Variants in SH3TC1 observed in about 807,000 individuals in gnomAD.
SH3TC1 encodes the protein SH3 domain and tetratricopeptide repeat-containing protein 1.
In SH3TC1, 135 loss-of-function variants were observed where a neutral mutation model predicts 117.3. The ratio of observed to expected loss-of-function variants is 1.15; its 90% CI spans 1.00 to 1.33. The LOEUF is 1.33. SH3TC1 is among the 40% of genes most tolerant of loss of function. The pLI is 0.00. For synonymous variants in SH3TC1, 898 were observed against 816.9 expected, an observed-to-expected ratio of 1.10 and a Z score of -1.69; for missense variants, 2,092 against 1,794.3, an observed-to-expected ratio of 1.17 and a Z score of -3.00.
At chr4:8,196,428 C>A (rs140133445), upstream of SH3TC1, among the ~76,000 whole-genome samples, 103 of 152,100 alleles carry the variant, frequency 6.8e-4, no homozygotes, top group African/African-American at 2.3e-3. The surrounding 1 kb of genome is among the most constrained non-coding windows in gnomAD (Gnocchi z 4.6). Context: ...ATGTTGGGTG[C>A]TTCTGTGGGC....
rs1315639899 is a variant in SH3TC1, at chr4:8,205,040, G to T, written c.-28-127G>T. On this transcript the variant is annotated intron_variant, in intron 1 of 17. Transcript: ENST00000245105. The surrounding 1 kb of genome is among the most constrained non-coding windows in gnomAD (Gnocchi z 5.4). ...CGGTGCACGGTGCGGTGAGGGGCTC[G>T]CTGGATCTGAAAGGTGCAGGCGCTC... The T allele has an allele frequency of 4.4e-6, 3 of 688,098 alleles. No homozygotes were observed. Among genetic ancestry groups the T allele is most frequent in the South Asian group, 5.4e-5 (2 of 36,874 alleles). The allele number at this position is 688,098 out of a possible 1,614,324, so 42.6% of individuals were successfully genotyped here.
chr4:8,226,350 T>G lies in SH3TC1; in HGVS notation c.1286-630T>G, dbSNP rs543476217. 3.9e-5 allele frequency among the ~76,000 whole-genome samples: 6 copies of G among 152,254 alleles called. No homozygotes were observed. In the South Asian group the frequency reaches 1.2e-3, roughly 32 times the overall value. ...CTTCAGGTTTTCAGACCATCCAAGG[T>G]GAAGGTGGTCACAGGAGCCTGGAAG... On this transcript the variant is annotated intron_variant, in intron 11 of 17. Transcript: ENST00000245105.
chr4:8,198,724 C>T (rs1471190721), upstream of SH3TC1, among the ~76,000 whole-genome samples: 1 of 152,206 alleles, frequency 6.6e-6, no homozygotes, highest in Non-Finnish European at 1.5e-5. Flanking sequence ...GGAGGGGAGC[C>T]CATCTCTTCC....
At chr4:8,200,290 T>G (rs1169213637) in intron 1 of SH3TC1, among the ~76,000 whole-genome samples, 2 of 151,934 alleles carry the variant, frequency 1.3e-5, no homozygotes, top group East Asian at 3.9e-4. Flanking sequence ...TGGGCCCGAG[T>G]CAGGTCTGGG....
chr4:8,228,009 C>T lies in SH3TC1; in HGVS notation c.2315C>T (p.Ala772Val), dbSNP rs764157873. 59 of 1,611,612 alleles carry T rather than the reference C, an allele frequency of 3.7e-5. No homozygotes were observed. Among genetic ancestry groups the T allele is most frequent in the Admixed American group, 2.3e-4 (14 of 59,964 alleles). ...CAAACTTCCCACTACCTCAGGCAAG[C>T]GCTGGCCTCCCTGACCCCGGGCACA... Reference protein sequence around the residue: ...PAQTSHYLRQALASLTPGTGQ... With the variant: ...PAQTSHYLRQVLASLTPGTGQ... Residue 772 changes from alanine to valine, a missense_variant, in exon 12 of 18, where the codon GCG (alanine) becomes GTG (valine). Ala to Val is a moderately conservative substitution (Grantham distance 64). Transcript: ENST00000245105.
At chr4:8,238,809 C>G (rs1578761009) in intron 17 of SH3TC1, among the ~76,000 whole-genome samples, 1 of 152,194 alleles carries the variant, frequency 6.6e-6, no homozygotes, top group African/African-American at 2.4e-5. Context: ...CTCCGCCCAC[C>G]CAGGAGGAAG....
chr4:8,196,716 A>G (rs1290741863), upstream of SH3TC1, among the ~76,000 whole-genome samples: 4 of 152,024 alleles, frequency 2.6e-5, no homozygotes, highest in Non-Finnish European at 2.9e-5. The surrounding 1 kb of genome is among the most constrained non-coding windows in gnomAD (Gnocchi z 4.6). Context: ...TTGAGCCCTG[A>G]TGGGAGAAGG....
upstream of SH3TC1, among the ~76,000 whole-genome samples, chr4:8,195,411 G>A (rs1330869602): frequency 6.6e-6 from 1 of 152,212 alleles, no homozygotes; most frequent in African/African-American, 2.4e-5. Flanking sequence ...GCAGCCTCCA[G>A]TTGGGCGTGC....
At chr4:8,214,099 G>A (rs1206684734) in intron 4 of SH3TC1, among the ~76,000 whole-genome samples, 2 of 150,634 alleles carry the variant, frequency 1.3e-5, no homozygotes, top group African/African-American at 5.0e-5. Context: ...TGCTGCAGGT[G>A]GGGCTGGGGC....
chr4:8,212,792 G>A lies in SH3TC1; in HGVS notation c.339G>A (p.Leu113=). 6.2e-7 allele frequency: 1 copy of A among 1,607,232 alleles called. No homozygotes were observed. The highest frequency in any genetic ancestry group is 2.2e-5 in the East Asian group (1 of 44,676). Reference sequence around the variant, plus strand: ...CCCTCCGGGGCCAGCTCCGCCTGCTGGAGAATGATAGCCGGGAGATGGCCC... The same window carrying A: ...CCCTCCGGGGCCAGCTCCGCCTGCTAGAGAATGATAGCCGGGAGATGGCCC... ...QQTLRGQLRL[L]ENDSREMARV... Residue 113 remains leucine, a synonymous_variant, in exon 4 of 18, where the codon CTG becomes CTA. Coordinates refer to ENST00000245105, the MANE Select transcript of SH3TC1 (RefSeq NM_018986.5).
Position 8,235,445 on chromosome 4 carries a change from G to A in SH3TC1, c.3295G>A (p.Val1099Met), listed in dbSNP as rs759732513. 131 of 1,548,404 alleles carry A rather than the reference G, an allele frequency of 8.5e-5. 1 individual carries two copies. The South Asian group carries it at 1.1e-3, about 13-fold the overall frequency. Residue 1099 changes from valine to methionine, a missense_variant, in exon 15 of 18, where the codon GTG (valine) becomes ATG (methionine). Transcript: ENST00000245105. ...VDLYIQVAQN[V>M]ALYTGDPNLG... ...TGCCTCCTTTCAGGTGGCACAGAAC[G>A]TGGCCCTGTACACAGGCGACCCCAA...
At chr4:8,218,087 G>A (rs765723946) in intron 7 of SH3TC1, among the ~76,000 whole-genome samples, 184 bp from the exon 8 acceptor site, 4 of 152,164 alleles carry the variant, frequency 2.6e-5, no homozygotes, top group Non-Finnish European at 5.9e-5. Flanking sequence ...CACACGCACG[G>A]GGCCTGAAGG....
chr4:8,186,656 C>T lies in SH3TC1; in HGVS notation c.-57+4446C>T, dbSNP rs1472603817. On this transcript the variant is annotated intron_variant, in intron 1 of 16. Transcript: ENST00000508641. The surrounding 1 kb of genome is among the most constrained non-coding windows in gnomAD (Gnocchi z 5.2). ...GTTAAAAAAACACTTTTAAAAAGCC[C>T]CTTGAGGCTGGGTGCGGTGGCTCAC... 6.6e-6 allele frequency among the ~76,000 whole-genome samples: 1 copy of T among 152,058 alleles called. No individual in the cohort carries two copies. Among genetic ancestry groups the T allele is most frequent in the Non-Finnish European group, 1.5e-5 (1 of 68,000 alleles).
intron 16 of SH3TC1, 141 bp from the exon 17 acceptor site, chr4:8,237,333 T>G: frequency 1.5e-6 from 1 of 651,924 alleles, no homozygotes; most frequent in Non-Finnish European, 2.4e-6. Context: ...GATGGGAAAG[T>G]GAGTCTGGGA....
Position 8,227,380 on chromosome 4 carries a change from C to A in SH3TC1, c.1686C>A (p.Leu562=). Residue 562 remains leucine (L), a synonymous_variant, in exon 12 of 18, where the codon CTC becomes CTA. Transcript: ENST00000245105. ...KAGLLMALAR[L]CFLLGRLCSR... is the part of the protein sequence containing the mutation. ...GCCTCCTCATGGCCCTGGCCAGGCT[C>A]TGCTTCCTCCTGGGGCGGCTGTGCA... is the stretch of plus-strand genomic sequence containing the variant. 5.8e-6 allele frequency: 9 copies of A among 1,559,500 alleles called. No homozygotes were observed. Among genetic ancestry groups the A allele is most frequent in the Non-Finnish European group, 6.9e-6 (8 of 1,152,950 alleles).
chr4:8,232,239 G>A (rs1290887196), intron 13 of SH3TC1, 83 bp downstream of exon 13: 1 of 1,398,216 alleles, frequency 7.2e-7, no homozygotes, highest in Non-Finnish European at 9.4e-7. Context: ...AGCTGGCCCA[G>A]GGCCCCAGCA....
intron 9 of SH3TC1, 134 bp from the exon 10 acceptor site, chr4:8,222,706 C>A: frequency 2.7e-6 from 3 of 1,107,498 alleles, no homozygotes; most frequent in Non-Finnish European, 1.3e-6. Context: ...TTTTAAATCT[C>A]TGTCTCTACC....
At chr4:8,230,183 T>G (rs1721057577) in intron 12 of SH3TC1, among the ~76,000 whole-genome samples, 1 of 152,242 alleles carries the variant, frequency 6.6e-6, no homozygotes, top group Non-Finnish European at 1.5e-5. Flanking sequence ...CTAGATGATC[T>G]GATTTGTTGG....
rs551631191 is a variant in SH3TC1, at chr4:8,215,668, G to A, written c.482-443G>A. On this transcript the variant is annotated intron_variant, in intron 5 of 17. Transcript: ENST00000245105. Reference sequence around the variant, plus strand: ...GGCTCACTGCCCCAGACGAGAGGGGGGAGCTCGCAGCATCCCAGAGACAAG... The same window carrying A: ...GGCTCACTGCCCCAGACGAGAGGGGAGAGCTCGCAGCATCCCAGAGACAAG... Among the ~76,000 whole-genome samples, 211 of 152,298 alleles carry A rather than the reference G, an allele frequency of 1.4e-3. 1 individual carries two copies. Among genetic ancestry groups the A allele is most frequent in the African/African-American group, 4.6e-3 (190 of 41,560 alleles).
Sources: gnomAD v4.1 joint callset for allele counts (sites outside exome capture counted in the v4.1 genomes callset) on GRCh38, gnomAD v4.1.1 for gene constraint, Gnocchi (gnomAD v3.1) non-coding constraint, MANE v1.5 for transcripts, NCBI Gene and HGNC (gene_info 2026-07-23, HGNC 2026-07-21) for gene names.